The following ANO2 variants were observed in gnomAD, a reference collection of about 807,000 sequenced individuals.
The protein encoded by ANO2 is anoctamin-2.
ANO2 carries 101 observed loss-of-function variants against 124.2 expected under a neutral mutation model. The observed-to-expected ratio is 0.81, with a 90% CI of 0.69 to 0.96. The LOEUF is 0.96. Among genes scored for constraint, ANO2 ranks in the 40% least tolerant of loss-of-function variants. ANO2 has a pLI of 0.00. For synonymous variants in ANO2, 486 were observed against 482.5 expected (o/e 1.01, Z -0.09); for missense variants, 1,293 against 1,274.5 (o/e 1.01, Z -0.22).
intron 17 of ANO2, among the ~76,000 whole-genome samples, chr12:5,613,409 G>A (rs139237990): frequency 2.8e-3 from 432 of 152,262 alleles, no homozygotes; most frequent in African/African-American, 9.4e-3. Context: ...AGAGATTCCT[G>A]GGGTCAGAAA....
intron 3 of ANO2, among the ~76,000 whole-genome samples, chr12:5,874,005 G>A (rs557461526): frequency 6.6e-6 from 1 of 152,342 alleles, no homozygotes; most frequent in African/African-American, 2.4e-5. Flanking sequence ...CCAGGATAGA[G>A]GCCTCAATGC....
At chr12:5,682,331 TTCTCTTTC>T (rs1948528332) in intron 14 of ANO2, among the ~76,000 whole-genome samples, 1 of 134,884 alleles carries the variant, frequency 7.4e-6, no homozygotes, top group African/African-American at 2.7e-5. Context: ...ATCTCTCTCT[TTCTCTTTC>T]TCTCTCTCTC....
At chr12:5,876,997 A>C (rs1260313302) in intron 3 of ANO2, among the ~76,000 whole-genome samples, 1 of 152,204 alleles carries the variant, frequency 6.6e-6, no homozygotes, top group African/African-American at 2.4e-5. Context: ...GACAGTAAAT[A>C]AACATTCTTT....
At chr12:5,903,413 T>A (rs1192352928) in intron 3 of ANO2, among the ~76,000 whole-genome samples, 1 of 152,224 alleles carries the variant, frequency 6.6e-6, no homozygotes, top group Non-Finnish European at 1.5e-5. Flanking sequence ...CTATGTGCCA[T>A]CCTTCTTCAA....
intron 1 of ANO2, among the ~76,000 whole-genome samples, chr12:5,924,283 AT>A (rs1358314037): frequency 6.6e-6 from 1 of 152,224 alleles, no homozygotes; most frequent in East Asian, 1.9e-4. Context: ...GAGAAACATA[AT>A]CTCTTTATGA....
chr12:5,792,393 C>A (rs1565672712), intron 10 of ANO2, among the ~76,000 whole-genome samples: 1 of 152,192 alleles, frequency 6.6e-6, no homozygotes, highest in Non-Finnish European at 1.5e-5. Flanking sequence ...TCTCCAAATC[C>A]TTGATCACAT....
At chr12:5,594,363 T>C (rs1362028680) in intron 20 of ANO2, among the ~76,000 whole-genome samples, 2 of 152,216 alleles carry the variant, frequency 1.3e-5, no homozygotes, top group African/African-American at 4.8e-5. Flanking sequence ...TCCTCTGCAC[T>C]TGCTGCCCAA....
chr12:5,840,952 G>A (rs1293724040), intron 4 of ANO2, among the ~76,000 whole-genome samples: 2 of 152,136 alleles, frequency 1.3e-5, no homozygotes, highest in Non-Finnish European at 2.9e-5. Context: ...CAGACACACA[G>A]AGAAGCCGAA....
intron 16 of ANO2, among the ~76,000 whole-genome samples, chr12:5,616,982 T>A (rs1944845881): frequency 6.6e-6 from 1 of 150,746 alleles, no homozygotes; most frequent in African/African-American, 2.5e-5. Flanking sequence ...GATCACACAG[T>A]ACCGCATCCT....
At chr12:5,919,419 G>C (rs1316575017) in intron 3 of ANO2, among the ~76,000 whole-genome samples, 1 of 145,782 alleles carries the variant, frequency 6.9e-6, no homozygotes, top group Admixed American at 6.8e-5. Flanking sequence ...CTGAGGTCAA[G>C]GTGCCCAAAG....
chr12:5,723,820 T>C (rs1380104088), intron 14 of ANO2, among the ~76,000 whole-genome samples: 1 of 152,216 alleles, frequency 6.6e-6, no homozygotes, highest in Non-Finnish European at 1.5e-5. Context: ...TGAAGTGTCC[T>C]TATTACCAAA....
chr12:5,837,417 G>A (rs760821942), intron 4 of ANO2, among the ~76,000 whole-genome samples: 30 of 139,806 alleles, frequency 2.1e-4, no homozygotes, highest in Non-Finnish European at 1.4e-4. Context: ...ATGCTGGTGC[G>A]CTGCACCCAC....
intron 10 of ANO2, among the ~76,000 whole-genome samples, chr12:5,766,234 C>G (rs1019285907): frequency 6.6e-6 from 1 of 152,118 alleles, no homozygotes; most frequent in African/African-American, 2.4e-5. Flanking sequence ...CATATGTGCA[C>G]CAAAAGACAC....
rs1225685708 is a variant in ANO2, at chr12:5,904,980, T to TAA, written c.534+16059_534+16060insTT. Among the ~76,000 whole-genome samples the TAA allele has an allele frequency of 1.3e-5, 2 of 152,282 alleles. No homozygotes were observed. The highest frequency in any genetic ancestry group is 2.1e-4 in the South Asian group (1 of 4,822). On this transcript the variant is annotated intron_variant, in intron 3 of 24. Transcript: ENST00000682330. This position sits in a 1 kb window ranked among gnomAD's most constrained non-coding sequence, Gnocchi z 4.1. ...AGGTGTTCTTCTCCTCCCCTGAACT[T>TAA]TCTTAAGTGGCTGACAATCCAAACA...
chr12:5,755,043 C>T (rs1246652116), intron 10 of ANO2, among the ~76,000 whole-genome samples: 1 of 152,090 alleles, frequency 6.6e-6, no homozygotes, highest in Non-Finnish European at 1.5e-5. Flanking sequence ...CCATTTACCA[C>T]TATAAACTTC....
intron 10 of ANO2, among the ~76,000 whole-genome samples, chr12:5,764,457 C>T (rs1232524114): frequency 2.6e-5 from 4 of 152,200 alleles, no homozygotes; most frequent in African/African-American, 7.2e-5. Flanking sequence ...TGTACAAAAA[C>T]ATTCACTAAC....
At chr12:5,731,775 A>G (rs1001646105) in intron 14 of ANO2, among the ~76,000 whole-genome samples, 2 of 152,158 alleles carry the variant, frequency 1.3e-5, no homozygotes, top group African/African-American at 4.8e-5. Context: ...GAGAGACATG[A>G]CTCAGAGGAC....
At chr12:5,702,078 C>T (rs1057058422) in intron 14 of ANO2, among the ~76,000 whole-genome samples, 16 of 152,184 alleles carry the variant, frequency 1.1e-4, no homozygotes, top group East Asian at 1.9e-4. Context: ...ATTTTTATAA[C>T]GTAAATTCTG....
At chr12:5,779,354 T>C (rs1952319374) in intron 10 of ANO2, among the ~76,000 whole-genome samples, 1 of 152,204 alleles carries the variant, frequency 6.6e-6, no homozygotes. Context: ...CCCTTCTCCA[T>C]TCTCAATTTA....
Sources: allele counts gnomAD v4.1 joint callset (sites outside exome capture counted in the v4.1 genomes callset), GRCh38; gene constraint gnomAD v4.1.1; non-coding constraint Gnocchi (gnomAD v3.1); transcripts MANE v1.5; gene names NCBI Gene and HGNC (gene_info 2026-07-23, HGNC 2026-07-21).